Variants in ABTB3 observed in about 807,000 individuals in gnomAD.
ABTB3 encodes the protein ankyrin repeat- and BTB/POZ domain-containing protein 3.
chr12:107,395,962 C>G, the ABTB3 span, among the ~76,000 whole-genome samples: 3 of 152,214 alleles, frequency 2.0e-5, no homozygotes, highest in African/African-American at 7.2e-5. Flanking sequence ...GCCTTGTCCA[C>G]AGCAGGGAGG....
the ABTB3 span, among the ~76,000 whole-genome samples, chr12:107,538,570 G>C: frequency 1.3e-5 from 2 of 152,314 alleles, no homozygotes; most frequent in South Asian, 4.1e-4. Flanking sequence ...TCTGATCAGA[G>C]AGACCAGGAT....
chr12:107,485,392 G>T, the ABTB3 span, among the ~76,000 whole-genome samples: 5 of 152,160 alleles, frequency 3.3e-5, 1 homozygote, highest in African/African-American at 9.7e-5. Context: ...TAGGCAGTTT[G>T]GGTTGTAAGT....
chr12:107,459,253 AT>A, the ABTB3 span, among the ~76,000 whole-genome samples: 1 of 152,204 alleles, frequency 6.6e-6, no homozygotes, highest in East Asian at 1.9e-4. Flanking sequence ...AGGGATCAGA[AT>A]CCATCCCAGA....
At chr12:107,320,868 A>C in the ABTB3 span, among the ~76,000 whole-genome samples, 1 of 150,784 alleles carries the variant, frequency 6.6e-6, no homozygotes, top group Admixed American at 6.6e-5. Context: ...GGCGGGGGGC[A>C]GTTCTGGAGG....
At chr12:107,617,713 G>A in the ABTB3 span, 19 of 450,566 alleles carry the variant, frequency 4.2e-5, no homozygotes, top group Non-Finnish European at 5.5e-5. Flanking sequence ...CTCAGGGCAC[G>A]TCATGTCAGC....
chr12:107,332,966 CAGAA>C, the ABTB3 span, among the ~76,000 whole-genome samples: 1 of 152,146 alleles, frequency 6.6e-6, no homozygotes, highest in African/African-American at 2.4e-5. Context: ...TTGCTTAGGC[CAGAA>C]AGAAGTTTCT....
At chr12:107,500,398 T>G in the ABTB3 span, among the ~76,000 whole-genome samples, 2 of 152,148 alleles carry the variant, frequency 1.3e-5, no homozygotes, top group Non-Finnish European at 2.9e-5. Context: ...CGAGGGTGCT[T>G]CCAGGCAACC....
the ABTB3 span, among the ~76,000 whole-genome samples, chr12:107,598,906 C>A: frequency 6.6e-6 from 1 of 152,222 alleles, no homozygotes; most frequent in Non-Finnish European, 1.5e-5. Context: ...TCCTGCATTA[C>A]CCATTGCTTT....
chr12:107,319,108 T>C, the ABTB3 span: 1 of 1,608,060 alleles, frequency 6.2e-7, no homozygotes, highest in Non-Finnish European at 8.5e-7. Flanking sequence ...CGCCTCTAGC[T>C]GACTCCATGC....
At chr12:107,615,281 C>T in the ABTB3 span, 1 of 719,310 alleles carries the variant, frequency 1.4e-6, no homozygotes, top group African/African-American at 1.8e-5. Flanking sequence ...AACTGCAATT[C>T]AATATAGTAT....
the ABTB3 span, among the ~76,000 whole-genome samples, chr12:107,469,912 TTCTTTCTTTC>T: frequency 2.2e-4 from 24 of 111,208 alleles, no homozygotes; most frequent in African/African-American, 7.3e-4. Context: ...CTTTCTTTCT[TTCTTTCTTTC>T]TCTCTCTCTC....
chr12:107,499,295 G>A, the ABTB3 span, among the ~76,000 whole-genome samples: 44 of 151,994 alleles, frequency 2.9e-4, no homozygotes, highest in South Asian at 4.4e-3. Context: ...CATTTTTCTC[G>A]GTAGCACAGT....
chr12:107,362,297 A>G, the ABTB3 span, among the ~76,000 whole-genome samples: 1 of 152,220 alleles, frequency 6.6e-6, no homozygotes, highest in Admixed American at 6.5e-5. Context: ...GCTTCCTGCT[A>G]GTAGCTGGCT....
chr12:107,381,737 G>A, the ABTB3 span, among the ~76,000 whole-genome samples: 1 of 152,316 alleles, frequency 6.6e-6, no homozygotes, highest in Admixed American at 6.5e-5. Context: ...TGGACTAAGA[G>A]GCCAGACCTC....
the ABTB3 span, among the ~76,000 whole-genome samples, chr12:107,583,646 G>GC: frequency 4.0e-4 from 61 of 152,122 alleles, no homozygotes; most frequent in South Asian, 5.0e-3. Flanking sequence ...CCATCTCTGC[G>GC]CCCCCCCTCC....
At chr12:107,319,837 CGCCTGCAGCGCA>C in the ABTB3 span, 1 of 1,232,748 alleles carries the variant, frequency 8.1e-7, no homozygotes, top group Non-Finnish European at 1.0e-6. Flanking sequence ...CGAGCGGCGG[CGCCTGCAGCGCA>C]GCCAGCAGCG....
the ABTB3 span, among the ~76,000 whole-genome samples, chr12:107,419,604 T>C: frequency 6.6e-6 from 1 of 152,172 alleles, no homozygotes; most frequent in African/African-American, 2.4e-5. Context: ...TGTCTCCTGT[T>C]ACCCCCAGCT....
chr12:107,649,652 G>A, the ABTB3 span: 542 of 204,170 alleles, frequency 2.7e-3, 6 homozygotes, highest in East Asian at 0.023. Flanking sequence ...TATCCTAGAT[G>A]ACGTCTTCTC....
the ABTB3 span, among the ~76,000 whole-genome samples, chr12:107,488,606 A>G: frequency 1.3e-5 from 2 of 151,926 alleles, no homozygotes; most frequent in Non-Finnish European, 2.9e-5. Context: ...ACAGGGAGCC[A>G]TTGAAGATTT....
Sources: allele counts gnomAD v4.1 joint callset (sites outside exome capture counted in the v4.1 genomes callset), GRCh38; gene constraint gnomAD v4.1.1; transcripts MANE v1.5; gene names NCBI Gene and HGNC (gene_info 2026-07-23, HGNC 2026-07-21).